EIF3L: variants seen among roughly 807,000 people sequenced by gnomAD.
EIF3L encodes the protein eukaryotic translation initiation factor 3 subunit L, also known as eIEF associated protein HSPC021.
A neutral mutation model predicts 74.6 loss-of-function variants in EIF3L; 32 were observed. That is an observed-to-expected ratio of 0.43 (90% CI 0.32 to 0.58). The LOEUF (loss-of-function observed/expected upper bound fraction) is 0.58, where lower values mean the gene tolerates loss of function less well. Among genes scored for constraint, EIF3L ranks in the 20% least tolerant of loss-of-function variants. EIF3L has a pLI of 0.06. For missense variants in EIF3L, 474 were observed against 707.8 expected (o/e 0.67, Z 3.75); for synonymous variants, 256 against 254.4 (o/e 1.01, Z -0.06).
intron 4 of EIF3L, among the ~76,000 whole-genome samples, chr22:37,857,968 T>C (rs542048605): frequency 4.5e-4 from 68 of 152,112 alleles, no homozygotes; most frequent in African/African-American, 1.6e-3. Context: ...CTGGGAGATT[T>C]AGACTAGCCT....
At position 37,850,071 on chromosome 22, in the gene EIF3L, C is replaced by T. The variant is rs747733331; in HGVS notation, c.82+8C>T. The stretch of plus-strand genomic sequence containing the variant: ...ACTATGATATGCACACAGGTGAGAC[C>T]ACGGGTTAGGCTGGCTGAGTACTCG... On this transcript the variant is annotated splice_region_variant and intron_variant, in intron 2 of 12. Transcript: ENST00000652021. 2 of 1,613,342 alleles carry T rather than the reference C, an allele frequency of 1.2e-6. No homozygotes were observed. The highest frequency in any genetic ancestry group is 1.7e-6 in the Non-Finnish European group (2 of 1,179,526).
intron 1 of EIF3L, 80 bp downstream of exon 1, chr22:37,849,562 C>T: frequency 6.7e-7 from 1 of 1,483,518 alleles, no homozygotes. Flanking sequence ...CGGCGCGAGG[C>T]AGCTTCCGGG....
In EIF3L at chr22:37,870,181, G is replaced by A; in HGVS notation, c.585G>A (p.Gln195=). 1 of 1,597,984 alleles carries A rather than the reference G, an allele frequency of 6.3e-7. No individual in the cohort carries two copies. The highest frequency in any genetic ancestry group is 8.5e-7 in the Non-Finnish European group (1 of 1,171,952). The part of the protein sequence containing the change: ...DIIDEFIYQF[Q]SFSQYRCKTA... ...TTTCTTTTCTTCCTCAACAGTTTCA[G>A]TCATTCAGTCAGTACCGCTGTAAGA... The change falls in exon 8 of 13, where the codon CAG becomes CAA. Residue 195 remains glutamine, a synonymous_variant. Transcript: ENST00000652021.
At chr22:37,858,572 T>C in intron 4 of EIF3L, 107 bp from the exon 5 acceptor site, 1 of 968,484 alleles carries the variant, frequency 1.0e-6, no homozygotes, top group East Asian at 2.4e-5. Flanking sequence ...AATTTAGATG[T>C]TGTTTAGTCT....
Position 37,875,854 on chromosome 22 carries a change from G to A in EIF3L, c.920G>A (p.Arg307His). 1.9e-6 allele frequency: 3 copies of A among 1,613,578 alleles called. No individual in the cohort carries two copies. The highest frequency in any genetic ancestry group is 2.5e-6 in the Non-Finnish European group (3 of 1,179,718). The change falls in exon 10 of 13, where the codon CGT becomes CAT. Residue 307 changes from arginine (R) to histidine (H), a missense_variant. By Grantham distance (29) the Arg-to-His change is conservative. Transcript: ENST00000652021. ...CTCCTTCTACAGAGTATGTATTCCC[G>A]TGTGCCAGAGTGCCAGGTCACCACA... ...IELNKKSMYS[R>H]VPECQVTTYY...
chr22:37,858,262 G>A (rs1347577620), intron 4 of EIF3L, among the ~76,000 whole-genome samples: 1 of 107,328 alleles, frequency 9.3e-6, no homozygotes, highest in Non-Finnish European at 1.7e-5. Flanking sequence ...GGGTCTCACT[G>A]TGTTGCCCAT....
Position 37,858,757 on chromosome 22 carries a change from C to A in EIF3L, c.435+17C>A. ...AAAGTCAGTGTAAGTATTTAAGTGTCGCAGTTTTTTTTTTGTTTTTGTTTT... is the reference window on the plus strand; with the variant it reads ...AAAGTCAGTGTAAGTATTTAAGTGTAGCAGTTTTTTTTTTGTTTTTGTTTT... On this transcript the variant is annotated intron_variant, in intron 5 of 12. Coordinates refer to ENST00000652021, the MANE Select transcript of EIF3L (RefSeq NM_016091.4). 6.3e-7 allele frequency: 1 copy of A among 1,585,012 alleles called. No individual in the cohort carries two copies. Among genetic ancestry groups the A allele is most frequent in the South Asian group, 1.2e-5 (1 of 83,862 alleles).
At chr22:37,885,368 C>CTATT (rs1927265412) in intron 11 of EIF3L, 2 of 152,012 alleles carry the variant, frequency 1.3e-5, no homozygotes, top group Admixed American at 6.6e-5. Context: ...TAAGAATTGG[C>CTATT]TATTTGATTA....
Position 37,852,079 on chromosome 22 carries a change from C to G in EIF3L, c.293+589C>G, listed in dbSNP as rs1018695147. ...TTGGCCTCCCAGAGTGCTAGGATTA[C>G]AAGCGTGAGCCACCATGCCCGGCCT... On this transcript the variant is annotated intron_variant, in intron 3 of 12. Coordinates refer to ENST00000652021, the MANE Select transcript of EIF3L (RefSeq NM_016091.4). Among the ~76,000 whole-genome samples the G allele has an allele frequency of 2.6e-5, 4 of 152,326 alleles. No homozygotes were observed. In the South Asian group the frequency reaches 8.3e-4, roughly 32 times the overall value.
Position 37,849,566 on chromosome 22 carries a change from T to C in EIF3L, c.33+84T>C, listed in dbSNP as rs556839502. On this transcript the variant is annotated intron_variant, in intron 1 of 12. Coordinates refer to ENST00000652021, the MANE Select transcript of EIF3L (RefSeq NM_016091.4). ...GATGTGGGTCCCGGCGCGAGGCAGC[T>C]TCCGGGTCGCGGCCAGCTCCGGCCG... 4.7e-5 allele frequency: 69 copies of C among 1,472,116 alleles called. No individual in the cohort carries two copies. In the East Asian group the frequency reaches 1.5e-3, roughly 33 times the overall value. 91.2% of individuals were successfully genotyped at this position (1,472,116 alleles called of 1,614,324 possible).
At chr22:37,882,706 A>G (rs1927112689) in intron 11 of EIF3L, 1 of 151,552 alleles carries the variant, frequency 6.6e-6, no homozygotes, top group Non-Finnish European at 1.5e-5. Flanking sequence ...ATTTTTATAC[A>G]TAATTTGCAT....
Position 37,863,407 on chromosome 22 carries a change from A to G in EIF3L, c.579+62A>G, listed in dbSNP as rs1925968158. The G allele has an allele frequency of 2.9e-6, 4 of 1,371,634 alleles. No homozygotes were observed. In the Middle Eastern group the frequency reaches 5.4e-4, roughly 186 times the overall value. The allele number at this position is 1,371,634 out of a possible 1,614,324, so 85.0% of individuals were successfully genotyped here. A position where few individuals can be genotyped will look rare whatever the true frequency, so the allele number is the denominator to read the frequency against. On this transcript the variant is annotated intron_variant, in intron 7 of 12. Coordinates refer to ENST00000652021, the MANE Select transcript of EIF3L (RefSeq NM_016091.4). ...GTCCATGCCAGGAATAGCTGTTACT[A>G]TTGTTTGTGTAAAAAAGCTGCAGGG...
intron 7 of EIF3L, among the ~76,000 whole-genome samples, chr22:37,864,972 T>C (rs1264419990): frequency 1.3e-5 from 2 of 152,244 alleles, no homozygotes. Context: ...GTGTTTAGCA[T>C]AGTGCCTGTC....
chr22:37,865,479 T>A (rs1251385712), intron 7 of EIF3L, among the ~76,000 whole-genome samples: 4 of 151,962 alleles, frequency 2.6e-5, no homozygotes, highest in East Asian at 1.9e-4. Flanking sequence ...CCAAAAAAAA[T>A]AAAATATATA....
In EIF3L at chr22:37,857,369, CA is replaced by C. The variant is rs375301957; in HGVS notation, c.374-1287del. Among the ~76,000 whole-genome samples the C allele has an allele frequency of 6.1e-3, 354 of 58,254 alleles. 1 individual carries two copies. The highest frequency in any genetic ancestry group is 0.022 in the African/African-American group (302 of 13,446). The allele number at this position is 58,254 out of a possible 152,430, so 38.2% of individuals were successfully genotyped here. A position where few individuals can be genotyped will look rare whatever the true frequency, so the allele number is the denominator to read the frequency against. ...TGGGCGACAGAGCAAGACTGCGTCC[CA>C]AAAAAAAAAAAAAAAAAAAAAACCA... On this transcript the variant is annotated intron_variant, in intron 4 of 12. Transcript: ENST00000652021.
At chr22:37,857,369 CAAAAA>C (rs375301957) in intron 4 of EIF3L, among the ~76,000 whole-genome samples, 1 of 58,250 alleles carries the variant, frequency 1.7e-5, no homozygotes, top group Non-Finnish European at 2.9e-5. Context: ...GACTGCGTCC[CAAAAA>C]AAAAAAAAAA....
chr22:37,867,815 C>G (rs2145820814), intron 7 of EIF3L, among the ~76,000 whole-genome samples: 1 of 151,636 alleles, frequency 6.6e-6, no homozygotes, highest in South Asian at 2.1e-4. Flanking sequence ...ATTTGCCAGG[C>G]ATGGTGGTGG....
At chr22:37,851,572 T>G in intron 3 of EIF3L, 82 bp downstream of exon 3, 1 of 639,372 alleles carries the variant, frequency 1.6e-6, no homozygotes, top group South Asian at 1.7e-5. Flanking sequence ...GTGAGCACTC[T>G]GTAAACAGTA....
Position 37,875,961 on chromosome 22 carries a change from A to T in EIF3L, c.1027A>T (p.Ile343Phe). The change falls in exon 10 of 13, where the codon ATC (isoleucine) becomes TTC (phenylalanine). Residue 343 changes from isoleucine to phenylalanine, a missense_variant. Around this residue, in one of 4 missense-constraint regions of EIF3L, gnomAD observed 293 missense variants for 469.1 expected, o/e 0.62. Transcript: ENST00000652021. ...GGTCTTCGCCAACATCCTCCTCTAC[A>T]TCCAGAGGACCAAGAGCATGTTCCA... ...IRVFANILLY[I>F]QRTKSMFQRT... 1 of 1,614,048 alleles carries T rather than the reference A, an allele frequency of 6.2e-7. No homozygotes were observed. The highest frequency in any genetic ancestry group is 8.5e-7 in the Non-Finnish European group (1 of 1,179,998).
Sources: allele counts gnomAD v4.1 joint callset (sites outside exome capture counted in the v4.1 genomes callset), GRCh38; gene constraint gnomAD v4.1.1; regional missense constraint gnomAD v4.1.1; transcripts MANE v1.5; gene names NCBI Gene and HGNC (gene_info 2026-07-23, HGNC 2026-07-21).